The following RIC1 variants were observed in gnomAD, a reference collection of about 807,000 sequenced individuals.
RIC1 encodes the protein RIC1 partner of RAB6A GEF complex, also known as guanine nucleotide exchange factor subunit RIC1.
Under a neutral mutation model 169.0 loss-of-function variants are expected in RIC1, and 88 were observed. The observed-to-expected ratio is 0.52, with a 90% CI of 0.44 to 0.62. RIC1 has a LOEUF of 0.62. Ranked by LOEUF, RIC1 falls within the 20% of genes least tolerant of loss-of-function variation. The probability of loss-of-function intolerance (pLI) is 0.00; values close to 1 mark genes in which losing one functional copy is unlikely to be tolerated. For missense variants in RIC1, 1,877 were observed against 1,725.5 expected, an observed-to-expected ratio of 1.09 and a Z score of -1.56; for synonymous variants, 790 against 601.5, an observed-to-expected ratio of 1.31 and a Z score of -4.59.
At position 5,629,213 on chromosome 9, in the gene RIC1, C is replaced by T; in HGVS notation, c.-97C>T. The T allele has an allele frequency of 8.3e-7, 1 of 1,211,522 alleles. No homozygotes were observed. Among genetic ancestry groups the T allele is most frequent in the Non-Finnish European group, 1.0e-6 (1 of 955,964 alleles). The allele number at this position is 1,211,522 out of a possible 1,614,324, so 75.0% of individuals were successfully genotyped here. On this transcript the variant is annotated 5_prime_UTR_variant, in exon 1 of 26. Transcript: ENST00000414202. Reference sequence around the variant, plus strand: ...CCCCGAGCTGCCGCCGCCGCCGCCGCCGACTCGGCCGGTGGCGGTGTGGGA... The same window carrying T: ...CCCCGAGCTGCCGCCGCCGCCGCCGTCGACTCGGCCGGTGGCGGTGTGGGA...
At chr9:5,772,171 T>C (rs1827267897) in intron 23 of RIC1, among the ~76,000 whole-genome samples, 1 of 152,232 alleles carries the variant, frequency 6.6e-6, no homozygotes. Context: ...TTGCAGTTTA[T>C]TCATGGAAGA....
rs770445972 is a variant in RIC1, at chr9:5,720,594, G to A, written c.584-20G>A. 2 of 1,571,538 alleles carry A rather than the reference G, an allele frequency of 1.3e-6. No homozygotes were observed. The highest frequency in any genetic ancestry group is 4.6e-5 in the East Asian group (2 of 43,826). ...TATTATATTCTTAATCCTATTTCATGTGCTTATTTTTTTCATCAGTAGGTT... is the reference window on the plus strand; with the variant it reads ...TATTATATTCTTAATCCTATTTCATATGCTTATTTTTTTCATCAGTAGGTT... On this transcript the variant is annotated intron_variant, in intron 5 of 25. Coordinates refer to ENST00000414202, the MANE Select transcript of RIC1 (RefSeq NM_020829.4).
chr9:5,690,197 C>G (rs1289532360), intron 3 of RIC1, among the ~76,000 whole-genome samples, 159 bp downstream of exon 3: 1 of 152,068 alleles, frequency 6.6e-6, no homozygotes, highest in Non-Finnish European at 1.5e-5. Context: ...ACTGTCATTT[C>G]TTGAATAAAG....
downstream of RIC1, among the ~76,000 whole-genome samples, chr9:5,776,743 T>C (rs1446548933): frequency 6.6e-6 from 1 of 151,784 alleles, no homozygotes; most frequent in African/African-American, 2.4e-5. Flanking sequence ...GACAGTAAAA[T>C]ACTGGAGGAA....
chr9:5,670,632 A>G (rs1222919739), intron 2 of RIC1, among the ~76,000 whole-genome samples: 1 of 152,186 alleles, frequency 6.6e-6, no homozygotes, highest in African/African-American at 2.4e-5. Context: ...AAAGCATTAT[A>G]TAAAGATGGA....
intron 2 of RIC1, among the ~76,000 whole-genome samples, chr9:5,659,453 C>T (rs977138535): frequency 3.3e-5 from 5 of 152,102 alleles, no homozygotes; most frequent in African/African-American, 4.8e-5. Flanking sequence ...ATCATAATGT[C>T]GTAAGTTGAA....
chr9:5,639,349 A>G (rs953507046), intron 1 of RIC1, among the ~76,000 whole-genome samples: 3 of 152,344 alleles, frequency 2.0e-5, no homozygotes, highest in Non-Finnish European at 2.9e-5. Context: ...TAATTTCTGC[A>G]CTGACCCATT....
intron 17 of RIC1, among the ~76,000 whole-genome samples, chr9:5,762,007 C>T (rs944566123): frequency 6.6e-6 from 1 of 152,286 alleles, no homozygotes; most frequent in Middle Eastern, 3.4e-3. Context: ...TGGCTTCTTT[C>T]CTGCTGCTCT....
chr9:5,747,233 C>G (rs746913096), intron 11 of RIC1, 69 bp from the exon 12 acceptor site: 2 of 1,168,814 alleles, frequency 1.7e-6, no homozygotes, highest in South Asian at 2.6e-5. Context: ...TTATTTTTGC[C>G]TGCGTAATAT....
At chr9:5,635,626 T>G (rs948974097) in intron 1 of RIC1, among the ~76,000 whole-genome samples, 2 of 152,254 alleles carry the variant, frequency 1.3e-5, no homozygotes, top group Admixed American at 1.3e-4. Context: ...GGTTTGGCTC[T>G]ATTTCCCCAC....
In RIC1 at chr9:5,775,404, C is replaced by A. The variant is rs1424913429; in HGVS notation, c.*1158C>A. The A allele has an allele frequency of 6.6e-6, 1 of 152,034 alleles. No homozygotes were observed. The highest frequency in any genetic ancestry group is 1.5e-5 in the Non-Finnish European group (1 of 67,998). The allele number at this position is 152,034 out of a possible 1,614,324, so 9.4% of individuals were successfully genotyped here. A position where few individuals can be genotyped will look rare whatever the true frequency, so the allele number is the denominator to read the frequency against. ...CATACTCCTTAATTGCTTTAAACAC[C>A]CATCCACTGTATGTAATTCTAATTA... On this transcript the variant is annotated 3_prime_UTR_variant, in exon 26 of 26. Transcript: ENST00000414202.
intron 1 of RIC1, among the ~76,000 whole-genome samples, chr9:5,641,029 C>T (rs1818212178): frequency 6.7e-6 from 1 of 148,940 alleles, no homozygotes; most frequent in Non-Finnish European, 1.5e-5. Context: ...TTTTTAGGAT[C>T]TTTCTTTATC....
chr9:5,762,667 A>G lies in RIC1; in HGVS notation c.2112+7A>G. On this transcript the variant is annotated splice_region_variant and intron_variant, in intron 18 of 25. Coordinates refer to ENST00000414202, the MANE Select transcript of RIC1 (RefSeq NM_020829.4). Reference sequence around the variant, plus strand: ...TAATAACCAAAGGAAACTTGTGAGTAAAGTACTAGTCATTTCTTTTCAAAC... The same window carrying G: ...TAATAACCAAAGGAAACTTGTGAGTGAAGTACTAGTCATTTCTTTTCAAAC... 1 of 1,613,012 alleles carries G rather than the reference A, an allele frequency of 6.2e-7. No individual in the cohort carries two copies. Among genetic ancestry groups the G allele is most frequent in the South Asian group, 1.1e-5 (1 of 90,892 alleles).
At chr9:5,743,137 A>T in intron 9 of RIC1, 124 bp downstream of exon 9, 1 of 816,320 alleles carries the variant, frequency 1.2e-6, no homozygotes, top group Non-Finnish European at 1.9e-6. Flanking sequence ...CAATTTGCAA[A>T]GTTCATAATC....
intron 6 of RIC1, among the ~76,000 whole-genome samples, chr9:5,722,787 T>A (rs921203857): frequency 6.6e-6 from 1 of 151,462 alleles, no homozygotes; most frequent in African/African-American, 2.4e-5. Context: ...AATTCCCACC[T>A]ATGAATCAGA....
chr9:5,701,680 TTTAAC>T (rs1469455169), intron 3 of RIC1, among the ~76,000 whole-genome samples: 1 of 152,170 alleles, frequency 6.6e-6, no homozygotes, highest in Non-Finnish European at 1.5e-5. Context: ...CCTTGTATAG[TTTAAC>T]TTAACTTTTG....
chr9:5,709,508 G>A (rs1316831404), intron 3 of RIC1, among the ~76,000 whole-genome samples: 3 of 152,162 alleles, frequency 2.0e-5, no homozygotes, highest in African/African-American at 7.2e-5. Flanking sequence ...GATAATTCCT[G>A]TCTCAAAAGA....
At chr9:5,691,419 G>A (rs1218433582) in intron 3 of RIC1, among the ~76,000 whole-genome samples, 1 of 151,896 alleles carries the variant, frequency 6.6e-6, no homozygotes, top group Non-Finnish European at 1.5e-5. Context: ...TTTGTAACAA[G>A]TATAGTGCTA....
At chr9:5,666,317 G>C (rs1245440138) in intron 2 of RIC1, among the ~76,000 whole-genome samples, 2 of 151,884 alleles carry the variant, frequency 1.3e-5, no homozygotes, top group African/African-American at 4.8e-5. Context: ...AACTTTATTA[G>C]CTCTAATAAT....
Sources: allele counts gnomAD v4.1 joint callset (sites outside exome capture counted in the v4.1 genomes callset), GRCh38; gene constraint gnomAD v4.1.1; transcripts MANE v1.5; gene names NCBI Gene and HGNC (gene_info 2026-07-23, HGNC 2026-07-21).